Variants in ATG7 observed in about 807,000 individuals in gnomAD.
ATG7 encodes the protein autophagy related 7.
A neutral mutation model predicts 82.4 loss-of-function variants in ATG7; 70 were observed. The ratio of observed to expected loss-of-function variants is 0.85; its 90% CI spans 0.70 to 1.04. The LOEUF (loss-of-function observed/expected upper bound fraction) is 1.04. Among genes scored for constraint, ATG7 ranks in the 50% least tolerant of loss-of-function variants. The pLI, the probability that ATG7 is intolerant of heterozygous loss-of-function variation, is 0.00. For synonymous variants in ATG7, 287 were observed against 313.0 expected (o/e 0.92, Z 0.88); for missense variants, 792 against 864.3 (o/e 0.92, Z 1.05).
rs1953381375 is a variant in ATG7, at chr3:11,340,547, A to G, written c.890-98A>G. ...CCAAAAGCTTGTCAATGCATGGGCCATTATGAATGTCGATCTTTTTTATGT... is the reference window on the plus strand; with the variant it reads ...CCAAAAGCTTGTCAATGCATGGGCCGTTATGAATGTCGATCTTTTTTATGT... On this transcript the variant is annotated intron_variant, in intron 11 of 20. Transcript: ENST00000693202. The G allele has an allele frequency of 3.8e-6, 4 of 1,059,704 alleles. No individual in the cohort carries two copies. The South Asian group carries it at 5.9e-5, about 16-fold the overall frequency. 65.6% of individuals were successfully genotyped at this position (1,059,704 alleles called of 1,614,324 possible).
intron 7 of ATG7, among the ~76,000 whole-genome samples, chr3:11,312,788 G>C (rs184482621): frequency 6.6e-6 from 1 of 152,310 alleles, no homozygotes; most frequent in African/African-American, 2.4e-5. Flanking sequence ...TGAAGAGAAT[G>C]GTAACTGTTT....
At chr3:11,364,354 T>C (rs1408931337) in intron 17 of ATG7, among the ~76,000 whole-genome samples, 3 of 152,236 alleles carry the variant, frequency 2.0e-5, no homozygotes, top group Admixed American at 6.5e-5. Context: ...GTTGATGTAG[T>C]AGATTCCTCA....
chr3:11,461,963 A>G (rs1455784783), intron 20 of ATG7, among the ~76,000 whole-genome samples: 2 of 151,998 alleles, frequency 1.3e-5, no homozygotes, highest in African/African-American at 4.8e-5. Context: ...CCCGGGAGGC[A>G]GAGCTTGCAG....
At chr3:11,404,125 A>ATTTTTTTTTTTTTTT (rs10591303) in intron 19 of ATG7, among the ~76,000 whole-genome samples, 1 of 76,938 alleles carries the variant, frequency 1.3e-5, no homozygotes. Context: ...AACCAGCTCA[A>ATTTTTTTTTTTTTTT]TTTTTTTTTT....
chr3:11,425,381 T>A (rs1337147511), intron 19 of ATG7, among the ~76,000 whole-genome samples: 1 of 152,244 alleles, frequency 6.6e-6, no homozygotes, highest in Non-Finnish European at 1.5e-5. Context: ...CATTTTCATC[T>A]TCTGAAAAGA....
chr3:11,471,109 A>G (rs972288185), intron 20 of ATG7, among the ~76,000 whole-genome samples: 31 of 152,102 alleles, frequency 2.0e-4, no homozygotes, highest in African/African-American at 7.2e-4. Context: ...GCTACCCTCC[A>G]TGGTAGCAAC....
chr3:11,494,143 G>T (rs77235553), intron 20 of ATG7, among the ~76,000 whole-genome samples: 1 of 152,176 alleles, frequency 6.6e-6, no homozygotes, highest in Non-Finnish European at 1.5e-5. Context: ...TTAATCAGGC[G>T]CTGCAGCAGG....
chr3:11,295,433 CAACA>C (rs902524017), intron 3 of ATG7, among the ~76,000 whole-genome samples: 2 of 152,110 alleles, frequency 1.3e-5, no homozygotes, highest in African/African-American at 4.8e-5. Flanking sequence ...TGAAAAACAA[CAACA>C]AACCACCCAT....
the ATG7 span, among the ~76,000 whole-genome samples, chr3:11,572,438 C>T: frequency 2.0e-5 from 3 of 152,162 alleles, no homozygotes; most frequent in Admixed American, 2.0e-4. Context: ...AAAATGTGCT[C>T]TCATATTTGC....
intron 18 of ATG7, among the ~76,000 whole-genome samples, chr3:11,372,971 T>G (rs896382141): frequency 6.6e-6 from 1 of 151,482 alleles, no homozygotes; most frequent in East Asian, 1.9e-4. Flanking sequence ...TTTTAAAAAA[T>G]AGGAAAATGG....
chr3:11,273,420 C>G (rs919172291), intron 1 of ATG7, among the ~76,000 whole-genome samples: 6 of 152,234 alleles, frequency 3.9e-5, no homozygotes, highest in African/African-American at 1.4e-4. Flanking sequence ...TCTTAGCTCA[C>G]TGTTCCTCCT....
At chr3:11,283,048 A>G (rs1019038127) in intron 3 of ATG7, among the ~76,000 whole-genome samples, 3 of 152,224 alleles carry the variant, frequency 2.0e-5, no homozygotes, top group Non-Finnish European at 2.9e-5. Context: ...CTTCAGGGCC[A>G]AATTGCAGTT....
At chr3:11,553,010 C>T (rs141494597) in intron 20 of ATG7, among the ~76,000 whole-genome samples, 1 of 152,334 alleles carries the variant, frequency 6.6e-6, no homozygotes, top group Non-Finnish European at 1.5e-5. Context: ...TTGCAGAGGG[C>T]ACTGCTGTTT....
intron 20 of ATG7, among the ~76,000 whole-genome samples, chr3:11,534,604 G>A (rs377537107): frequency 9.2e-5 from 14 of 152,258 alleles, no homozygotes; most frequent in Non-Finnish European, 1.8e-4. Flanking sequence ...CTGCGGTTTC[G>A]TAGTCGCTGT....
chr3:11,558,341 G>T, downstream of ATG7: 1 of 714,026 alleles, frequency 1.4e-6, no homozygotes, highest in Non-Finnish European at 2.3e-6. Flanking sequence ...GATGTTCCAC[G>T]CGTAGTTCCT....
At chr3:11,464,235 G>A (rs982290617) in intron 20 of ATG7, among the ~76,000 whole-genome samples, 1 of 152,002 alleles carries the variant, frequency 6.6e-6, no homozygotes, top group African/African-American at 2.4e-5. Context: ...GGCCAGGCAT[G>A]GTGTTATGCA....
intron 19 of ATG7, among the ~76,000 whole-genome samples, chr3:11,396,051 A>T (rs1427084197): frequency 6.6e-6 from 1 of 151,840 alleles, no homozygotes; most frequent in East Asian, 1.9e-4. Flanking sequence ...GTTTACACAA[A>T]AGGACTTTTA....
chr3:11,318,630 G>A (rs1575415250), intron 9 of ATG7, among the ~76,000 whole-genome samples: 1 of 152,146 alleles, frequency 6.6e-6, no homozygotes, highest in East Asian at 1.9e-4. Context: ...ACCCTTCTAA[G>A]GTTCCTGTTG....
At chr3:11,430,620 C>T (rs2082788294) in intron 20 of ATG7, among the ~76,000 whole-genome samples, 1 of 152,134 alleles carries the variant, frequency 6.6e-6, no homozygotes, top group Non-Finnish European at 1.5e-5. Flanking sequence ...AAAAAATATA[C>T]TGAACATCTT....
Sources: gnomAD v4.1 joint callset for allele counts (sites outside exome capture counted in the v4.1 genomes callset) on GRCh38, gnomAD v4.1.1 for gene constraint, MANE v1.5 for transcripts, NCBI Gene and HGNC (gene_info 2026-07-23, HGNC 2026-07-21) for gene names.